Variants in HMG20A observed in about 807,000 individuals in gnomAD.
HMG20A encodes high mobility group 20A.
In HMG20A, 17 loss-of-function variants were observed where a neutral mutation model predicts 43.9. That is an observed-to-expected ratio of 0.39 (90% CI 0.27 to 0.58). HMG20A has a LOEUF of 0.58. HMG20A is among the 20% of genes least tolerant of loss of function. The pLI is 0.59. For synonymous variants in HMG20A, 132 were observed against 147.5 expected, an observed-to-expected ratio of 0.89 and a Z score of 0.76; for missense variants, 341 against 438.2, an observed-to-expected ratio of 0.78 and a Z score of 1.98.
chr15:77,477,239 T>C (rs2072864468), intron 6 of HMG20A, among the ~76,000 whole-genome samples: 1 of 152,236 alleles, frequency 6.6e-6, no homozygotes, highest in Non-Finnish European at 1.5e-5. Flanking sequence ...CACAACTGTA[T>C]ACTGTTGACT....
intron 1 of HMG20A, chr15:77,447,790 C>A (rs1330968189): frequency 1.3e-5 from 2 of 152,154 alleles, no homozygotes; most frequent in Admixed American, 1.3e-4. Flanking sequence ...ACACCATACA[C>A]CATCTTGGTT....
chr15:77,425,055 T>C (rs2073412328), intron 1 of HMG20A, among the ~76,000 whole-genome samples: 1 of 152,178 alleles, frequency 6.6e-6, no homozygotes, highest in South Asian at 2.1e-4. Context: ...TCCCCATCTA[T>C]CAAAATGCCA....
At chr15:77,500,626 T>G in the HMG20A span, among the ~76,000 whole-genome samples, 1 of 150,570 alleles carries the variant, frequency 6.6e-6, no homozygotes, top group East Asian at 2.0e-4. Flanking sequence ...TGGAGTGCAA[T>G]GACACGATCT....
chr15:77,508,850 G>T, the HMG20A span, among the ~76,000 whole-genome samples: 1 of 152,232 alleles, frequency 6.6e-6, no homozygotes, highest in East Asian at 1.9e-4. Context: ...GCTTTATTTT[G>T]ATTTGCACAT....
chr15:77,506,392 C>T, the HMG20A span, among the ~76,000 whole-genome samples: 1 of 152,106 alleles, frequency 6.6e-6, no homozygotes, highest in Admixed American at 6.5e-5. Context: ...ACGATGAAGC[C>T]GCCGATGCCC....
chr15:77,506,350 C>T, the HMG20A span, among the ~76,000 whole-genome samples: 1 of 152,104 alleles, frequency 6.6e-6, no homozygotes, highest in Non-Finnish European at 1.5e-5. Context: ...CTCCCCTGTG[C>T]ACTCCCCTCC....
chr15:77,511,853 T>A, the HMG20A span, among the ~76,000 whole-genome samples: 8 of 152,142 alleles, frequency 5.3e-5, no homozygotes, highest in African/African-American at 1.9e-4. Context: ...GTATGGCAGA[T>A]CCTCAAAAAA....
At chr15:77,422,943 A>G (rs952791995) in intron 1 of HMG20A, among the ~76,000 whole-genome samples, 2 of 152,156 alleles carry the variant, frequency 1.3e-5, no homozygotes, top group Non-Finnish European at 2.9e-5. Flanking sequence ...AAAATATAAT[A>G]TGGTCACCCT....
chr15:77,439,570 TC>T (rs2142291150), intron 1 of HMG20A, among the ~76,000 whole-genome samples: 1 of 152,314 alleles, frequency 6.6e-6, no homozygotes, highest in African/African-American at 2.4e-5. Flanking sequence ...TAGCAGTAGT[TC>T]AATCTGTATA....
chr15:77,512,214 T>C, the HMG20A span, among the ~76,000 whole-genome samples: 1 of 152,182 alleles, frequency 6.6e-6, no homozygotes, highest in Non-Finnish European at 1.5e-5. Flanking sequence ...AGCAGTCAAA[T>C]TCACGGGCAC....
At chr15:77,462,653 A>C (rs1313427932) in intron 2 of HMG20A, among the ~76,000 whole-genome samples, 2 of 152,024 alleles carry the variant, frequency 1.3e-5, no homozygotes, top group Non-Finnish European at 2.9e-5. Flanking sequence ...TATTAAGTAC[A>C]TAATCATCAA....
intron 1 of HMG20A, among the ~76,000 whole-genome samples, chr15:77,429,830 A>G (rs1458305062): frequency 2.6e-5 from 4 of 152,202 alleles, no homozygotes; most frequent in Non-Finnish European, 5.9e-5. Flanking sequence ...TGTTTTTGCA[A>G]AAATGAAAAG....
intron 6 of HMG20A, among the ~76,000 whole-genome samples, 188 bp from the exon 7 acceptor site, chr15:77,477,367 A>C (rs1443858040): frequency 6.6e-6 from 1 of 152,238 alleles, no homozygotes; most frequent in Non-Finnish European, 1.5e-5. Context: ...TGAATACTTT[A>C]CCTGCTTAAG....
At chr15:77,494,474 C>G in the HMG20A span, among the ~76,000 whole-genome samples, 1 of 152,184 alleles carries the variant, frequency 6.6e-6, no homozygotes, top group African/African-American at 2.4e-5. Context: ...CCCTTGACAT[C>G]AGAACAACAT....
At chr15:77,505,439 C>T in the HMG20A span, among the ~76,000 whole-genome samples, 2 of 152,248 alleles carry the variant, frequency 1.3e-5, no homozygotes, top group South Asian at 4.1e-4. Flanking sequence ...CTGGCAAGGT[C>T]GTGTAGGGAC....
In HMG20A at chr15:77,469,754, A is replaced by G. The variant is rs914319137; in HGVS notation, c.451-1156A>G. ...ACACTCTCGGCTCATTGCAACCTCCACCTCCCAGGTTCAAGCGATTCTCTA... is the reference window on the plus strand; with the variant it reads ...ACACTCTCGGCTCATTGCAACCTCCGCCTCCCAGGTTCAAGCGATTCTCTA... On this transcript the variant is annotated intron_variant, in intron 4 of 9. Transcript: ENST00000336216. Among the ~76,000 whole-genome samples the G allele has an allele frequency of 5.9e-5, 9 of 151,900 alleles. No homozygotes were observed. The East Asian group carries it at 1.7e-3, about 29-fold the overall frequency.
At chr15:77,495,525 G>A in the HMG20A span, among the ~76,000 whole-genome samples, 1 of 152,050 alleles carries the variant, frequency 6.6e-6, no homozygotes, top group African/African-American at 2.4e-5. Context: ...CTCCAGCCTG[G>A]GCATCACAGC....
At chr15:77,455,980 C>T (rs1488480319) in intron 1 of HMG20A, among the ~76,000 whole-genome samples, 3 of 152,104 alleles carry the variant, frequency 2.0e-5, no homozygotes. Flanking sequence ...GATCTTGGCC[C>T]CTTAACCTTC....
At chr15:77,444,433 G>T (rs1251206359) in intron 1 of HMG20A, among the ~76,000 whole-genome samples, 1 of 152,122 alleles carries the variant, frequency 6.6e-6, no homozygotes, top group East Asian at 1.9e-4. Context: ...TCAGATTTTA[G>T]TAAGTGCTCT....
Sources: gnomAD v4.1 joint callset for allele counts (sites outside exome capture counted in the v4.1 genomes callset) on GRCh38, gnomAD v4.1.1 for gene constraint, MANE v1.5 for transcripts, NCBI Gene and HGNC (gene_info 2026-07-23, HGNC 2026-07-21) for gene names.